Variants in PRUNE2 observed in about 807,000 individuals in gnomAD.
PRUNE2 encodes the protein prune homolog 2 with BCH domain.
A neutral mutation model predicts 252.0 loss-of-function variants in PRUNE2; 164 were observed. The ratio of observed to expected loss-of-function variants is 0.65; its 90% CI spans 0.57 to 0.74. PRUNE2 has a LOEUF of 0.74. Among genes scored for constraint, PRUNE2 ranks in the 30% least tolerant of loss-of-function variants. The pLI is 0.00. For synonymous variants in PRUNE2, 1,292 were observed against 1,350.2 expected, an observed-to-expected ratio of 0.96 and a Z score of 0.94; for missense variants, 3,495 against 3,711.0, an observed-to-expected ratio of 0.94 and a Z score of 1.51.
At chr9:76,850,276 G>C (rs1368262455) in intron 3 of PRUNE2, among the ~76,000 whole-genome samples, 187 bp downstream of exon 3, 1 of 151,960 alleles carries the variant, frequency 6.6e-6, no homozygotes, top group Non-Finnish European at 1.5e-5. Context: ...CGAACTCCTG[G>C]CCTCAAGTGA....
chr9:76,788,395 T>G, intron 6 of PRUNE2: 1 of 760,302 alleles, frequency 1.3e-6, no homozygotes, highest in Non-Finnish European at 2.5e-6. Flanking sequence ...CACAAACCAC[T>G]ACTTTCCTCT....
At position 76,812,928 on chromosome 9, in the gene PRUNE2, T is replaced by C. The variant is rs75614632; in HGVS notation, c.756+10704A>G. ...CAGTCATTATAAAAATTAAATTACA[T>C]AATTTGTGTTAAGTAAATTATGTTA... is the stretch of plus-strand genomic sequence containing the variant. On this transcript the variant is annotated intron_variant, in intron 6 of 18. Transcript: ENST00000376718. Among the ~76,000 whole-genome samples, 339 of 152,348 alleles carry C rather than the reference T, an allele frequency of 2.2e-3. 2 individuals are homozygous for C. In the Middle Eastern group the frequency reaches 0.027, roughly 12 times the overall value.
intron 6 of PRUNE2, among the ~76,000 whole-genome samples, chr9:76,774,470 T>A (rs145150716): frequency 1.1e-3 from 43 of 40,394 alleles, no homozygotes; most frequent in East Asian, 4.1e-3. Flanking sequence ...TTTTTTTTTT[T>A]TTTTTTTGAG....
chr9:76,630,506 T>C lies in PRUNE2; in HGVS notation c.9051-1216A>G, dbSNP rs141734094. The stretch of plus-strand genomic sequence containing the variant: ...TTGTTAAAGGAAGAACTTGGTCTTA[T>C]GCATTTCTGAAGAATGCATTTTCTT... On this transcript the variant is annotated intron_variant, in intron 15 of 18. Transcript: ENST00000376718. Among the ~76,000 whole-genome samples, 46 of 152,210 alleles carry C rather than the reference T, an allele frequency of 3.0e-4. 1 individual carries two copies. The highest frequency in any genetic ancestry group is 8.0e-4 in the African/African-American group (33 of 41,452).
Position 76,711,141 on chromosome 9 carries a change from AG to A in PRUNE2, c.1132del (p.Leu378SerfsTer16), listed in dbSNP as rs1564125718. 3.7e-6 allele frequency: 6 copies of A among 1,613,822 alleles called. No homozygotes were observed. Among genetic ancestry groups the A allele is most frequent in the Non-Finnish European group, 5.1e-6 (6 of 1,179,798 alleles). ...STEAVAGSAP[L>X]SQGSSGIMEL... is the part of the protein sequence containing the mutation. ...CATAATCCCAGAAGACCCCTGGGAG[AG>A]GGGGGCACTGCCTGCCACGGCTTCT... On this transcript the variant is annotated frameshift_variant, in exon 8 of 19. Transcript: ENST00000376718. LOFTEE classifies it high-confidence loss of function.
At chr9:76,772,765 T>C (rs751297574) in intron 6 of PRUNE2, among the ~76,000 whole-genome samples, 34 of 152,134 alleles carry the variant, frequency 2.2e-4, no homozygotes, top group Non-Finnish European at 4.4e-4. Context: ...AGCCTCACTA[T>C]GTTGCCCAGG....
Position 76,629,183 on chromosome 9 carries a change from A to G in PRUNE2, c.9149+9T>C. 2 of 1,555,506 alleles carry G rather than the reference A, an allele frequency of 1.3e-6. No homozygotes were observed. Among genetic ancestry groups the G allele is most frequent in the African/African-American group, 1.4e-5 (1 of 73,504 alleles). ...TTCTTAACACATCTCTGAAACTGTC[A>G]GGACTTACTTGATGATGCTCTCTGG... On this transcript the variant is annotated intron_variant, in intron 16 of 18. Coordinates refer to ENST00000376718, the MANE Select transcript of PRUNE2 (RefSeq NM_015225.3).
chr9:76,741,708 T>A (rs2049637769), intron 6 of PRUNE2, among the ~76,000 whole-genome samples: 1 of 152,184 alleles, frequency 6.6e-6, no homozygotes, highest in African/African-American at 2.4e-5. Flanking sequence ...CCTACCTTGG[T>A]GTTATCCATC....
intron 6 of PRUNE2, among the ~76,000 whole-genome samples, chr9:76,731,907 T>A (rs2048641555): frequency 6.6e-6 from 1 of 152,138 alleles, no homozygotes; most frequent in African/African-American, 2.4e-5. Flanking sequence ...AAAGCAAACC[T>A]CCTTTGCTTA....
intron 9 of PRUNE2, among the ~76,000 whole-genome samples, chr9:76,671,742 A>C (rs1306209423): frequency 6.6e-6 from 1 of 151,148 alleles, no homozygotes; most frequent in Middle Eastern, 3.2e-3. Flanking sequence ...AGTGGGGGCC[A>C]ATATTCAACA....
intron 1 of PRUNE2, among the ~76,000 whole-genome samples, chr9:76,855,210 A>G (rs1427471175): frequency 6.6e-6 from 1 of 151,840 alleles, no homozygotes; most frequent in Non-Finnish European, 1.5e-5. Context: ...ACTTCCAAAG[A>G]ACCAACTGCT....
intron 6 of PRUNE2, among the ~76,000 whole-genome samples, chr9:76,813,072 T>C (rs1473257109): frequency 6.6e-6 from 1 of 152,230 alleles, no homozygotes; most frequent in African/African-American, 2.4e-5. Flanking sequence ...TATAATGATA[T>C]ACTTCTGCAC....
chr9:76,675,413 CA>C (rs1323751935), intron 9 of PRUNE2, among the ~76,000 whole-genome samples: 26 of 39,308 alleles, frequency 6.6e-4, no homozygotes, highest in South Asian at 1.2e-3. Context: ...AGTCAGGAAA[CA>C]ACAGGTGCTG....
chr9:76,703,301 T>C, intron 9 of PRUNE2, 36 bp downstream of exon 9: 1 of 1,532,490 alleles, frequency 6.5e-7, no homozygotes, highest in Non-Finnish European at 8.8e-7. Flanking sequence ...ATAAATTGCT[T>C]TTCAGGAAAA....
intron 1 of PRUNE2, among the ~76,000 whole-genome samples, chr9:76,905,339 G>C (rs1237291557): frequency 6.6e-6 from 1 of 152,178 alleles, no homozygotes; most frequent in Non-Finnish European, 1.5e-5. Flanking sequence ...CCAACAGTTA[G>C]AGCTTTCCCC....
rs756091549 is a variant in PRUNE2, at chr9:76,824,939, T to C, written c.662-1213A>G. Among the ~76,000 whole-genome samples the C allele has an allele frequency of 6.6e-4, 101 of 152,302 alleles. 1 individual carries two copies. The highest frequency in any genetic ancestry group is 3.4e-3 in the Middle Eastern group (1 of 294). On this transcript the variant is annotated intron_variant, in intron 5 of 18. Coordinates refer to ENST00000376718, the MANE Select transcript of PRUNE2 (RefSeq NM_015225.3). ...TTGTGAAAATGAATGACAAAACACA[T>C]TCCCTTGTGCAGCATACACACAAGG...
rs2046559126 is a variant in PRUNE2, at chr9:76,709,528, C to A, written c.2746G>T (p.Val916Leu). 1.2e-6 allele frequency: 2 copies of A among 1,613,878 alleles called. No homozygotes were observed. The highest frequency in any genetic ancestry group is 1.3e-5 in the African/African-American group (1 of 74,926). Reference protein sequence around the residue: ...PKTRGKVYEKVDSWNLFEENM... With the variant: ...PKTRGKVYEKLDSWNLFEENM... The stretch of plus-strand genomic sequence containing the variant: ...TCCTCAAAAAGGTTCCAGGAATCTA[C>A]CTTTTCATATACCTTGCCCCTAGTT... Residue 916 changes from valine (V) to leucine (L), a missense_variant, in exon 8 of 19, where the codon GTA (valine) becomes TTA (leucine). Transcript: ENST00000376718.
chr9:76,825,324 C>A (rs2058282839), intron 5 of PRUNE2, among the ~76,000 whole-genome samples: 1 of 152,168 alleles, frequency 6.6e-6, no homozygotes, highest in African/African-American at 2.4e-5. Context: ...ACCATCAGCT[C>A]CTGGAGCCGA....
intron 6 of PRUNE2, among the ~76,000 whole-genome samples, chr9:76,727,868 C>T (rs185690534): frequency 6.6e-6 from 1 of 151,906 alleles, no homozygotes; most frequent in East Asian, 1.9e-4. Context: ...GTGCAAGCCA[C>T]CATGCTTGGC....
Sources: allele counts gnomAD v4.1 joint callset (sites outside exome capture counted in the v4.1 genomes callset), GRCh38; gene constraint gnomAD v4.1.1; transcripts MANE v1.5; gene names NCBI Gene and HGNC (gene_info 2026-07-23, HGNC 2026-07-21).